Variants in PTPRD observed in about 807,000 individuals in gnomAD.
PTPRD encodes receptor-type tyrosine-protein phosphatase delta.
In PTPRD, 34 loss-of-function variants were observed where a neutral mutation model predicts 214.5. The ratio of observed to expected loss-of-function variants is 0.16; its 90% CI spans 0.12 to 0.21. The LOEUF (loss-of-function observed/expected upper bound fraction) is 0.21, where lower values mean the gene tolerates loss of function less well. Among genes scored for constraint, PTPRD ranks in the 10% least tolerant of loss-of-function variants. The pLI, the probability that PTPRD is intolerant of heterozygous loss-of-function variation, is 1.00. For synonymous variants in PTPRD, 1,128 were observed against 845.7 expected, an observed-to-expected ratio of 1.33 and a Z score of -5.79; for missense variants, 2,545 against 2,398.7, an observed-to-expected ratio of 1.06 and a Z score of -1.27.
At chr9:9,175,206 T>G (rs2099923900) in intron 10 of PTPRD, among the ~76,000 whole-genome samples, 1 of 152,202 alleles carries the variant, frequency 6.6e-6, no homozygotes, top group Non-Finnish European at 1.5e-5. Context: ...AGACAAGATT[T>G]TTCTAAAACG....
intron 10 of PTPRD, among the ~76,000 whole-genome samples, chr9:9,114,537 C>T (rs1162417372): frequency 6.6e-6 from 1 of 152,078 alleles, no homozygotes; most frequent in African/African-American, 2.4e-5. Context: ...ACCACATCAA[C>T]ATGAATATTG....
intron 8 of PTPRD, among the ~76,000 whole-genome samples, chr9:9,549,020 C>T (rs1417253839): frequency 6.6e-6 from 1 of 152,022 alleles, no homozygotes; most frequent in Non-Finnish European, 1.5e-5. Flanking sequence ...ACTTTTAGGA[C>T]ACTATATCAA....
At chr9:9,464,833 G>A (rs1364529312) in intron 8 of PTPRD, among the ~76,000 whole-genome samples, 1 of 152,010 alleles carries the variant, frequency 6.6e-6, no homozygotes, top group South Asian at 2.1e-4. Flanking sequence ...GGTCTTAAAG[G>A]TACAGCAAAA....
intron 9 of PTPRD, among the ~76,000 whole-genome samples, chr9:9,377,803 T>G (rs2061187156): frequency 6.6e-6 from 1 of 152,068 alleles, no homozygotes; most frequent in African/African-American, 2.4e-5. Flanking sequence ...GTACCACAGT[T>G]GAGACACGGC....
intron 4 of PTPRD, among the ~76,000 whole-genome samples, chr9:9,948,576 T>C (rs1380514583): frequency 1.3e-5 from 2 of 152,098 alleles, no homozygotes; most frequent in Non-Finnish European, 2.9e-5. Context: ...TCTTTAGTGA[T>C]TGGCTTATGT....
intron 4 of PTPRD, among the ~76,000 whole-genome samples, chr9:9,946,811 T>A (rs541739054): frequency 1.3e-5 from 2 of 152,222 alleles, no homozygotes; most frequent in African/African-American, 4.8e-5. Flanking sequence ...ATTTTAACGA[T>A]AGAATTAAAG....
At chr9:10,432,562 A>T (rs1052787519) in intron 2 of PTPRD, among the ~76,000 whole-genome samples, 1 of 151,948 alleles carries the variant, frequency 6.6e-6, no homozygotes, top group Non-Finnish European at 1.5e-5. Context: ...CACCTGTCAC[A>T]TTCTTTTCTT....
At chr9:10,547,154 G>C (rs181090790) in intron 2 of PTPRD, among the ~76,000 whole-genome samples, 1 of 152,122 alleles carries the variant, frequency 6.6e-6, no homozygotes, top group East Asian at 1.9e-4. Flanking sequence ...GAAGAATTGG[G>C]GCAGGGTGGG....
At chr9:9,785,656 G>C (rs1597750258) in intron 5 of PTPRD, among the ~76,000 whole-genome samples, 1 of 152,054 alleles carries the variant, frequency 6.6e-6, no homozygotes, top group Admixed American at 6.5e-5. Flanking sequence ...AATGCAATTC[G>C]ACATAGTAAT....
chr9:8,406,274 T>G (rs1303320591), intron 35 of PTPRD, among the ~76,000 whole-genome samples: 1 of 152,176 alleles, frequency 6.6e-6, no homozygotes, highest in Non-Finnish European at 1.5e-5. Flanking sequence ...GTGGAAGCCT[T>G]CAAGTCAACC....
At chr9:8,333,408 A>T (rs549888937) in intron 43 of PTPRD, among the ~76,000 whole-genome samples, 2 of 151,910 alleles carry the variant, frequency 1.3e-5, no homozygotes, top group South Asian at 4.1e-4. Context: ...TTACCTGTTT[A>T]ACAATACTGT....
At chr9:10,468,590 A>G (rs543713951) in intron 2 of PTPRD, among the ~76,000 whole-genome samples, 1 of 152,158 alleles carries the variant, frequency 6.6e-6, no homozygotes, top group African/African-American at 2.4e-5. Context: ...TGGCACATGT[A>G]TACCTATGTA....
intron 3 of PTPRD, among the ~76,000 whole-genome samples, chr9:10,221,338 C>T (rs1438636117): frequency 6.6e-6 from 1 of 151,904 alleles, no homozygotes. Context: ...CCTCTGCATA[C>T]TCGATATCAT....
chr9:8,917,432 C>T (rs73422056), intron 11 of PTPRD, among the ~76,000 whole-genome samples: 5 of 151,966 alleles, frequency 3.3e-5, no homozygotes, highest in Middle Eastern at 3.4e-3. Flanking sequence ...CCACCGCGCC[C>T]GGCCTACATA....
At chr9:9,065,958 AG>A (rs1279422281) in intron 10 of PTPRD, among the ~76,000 whole-genome samples, 9 of 152,294 alleles carry the variant, frequency 5.9e-5, no homozygotes, top group African/African-American at 1.7e-4. Context: ...ATGCATGTAA[AG>A]CATAACACCA....
At chr9:10,163,200 C>T (rs1338081786) in intron 3 of PTPRD, among the ~76,000 whole-genome samples, 4 of 151,256 alleles carry the variant, frequency 2.6e-5, no homozygotes, top group Non-Finnish European at 5.9e-5. Context: ...ATTATATTCT[C>T]TAATTGATCA....
chr9:8,574,322 T>C (rs77212352), intron 14 of PTPRD, among the ~76,000 whole-genome samples: 4,642 of 152,134 alleles, frequency 0.031, 275 homozygotes, highest in African/African-American at 0.11. Flanking sequence ...ATTTAAACTA[T>C]TCATTTTGGA....
chr9:9,072,772 A>G (rs2099745637), intron 10 of PTPRD, among the ~76,000 whole-genome samples: 1 of 152,120 alleles, frequency 6.6e-6, no homozygotes, highest in African/African-American at 2.4e-5. Context: ...TTTAGCCCAC[A>G]CTTTTAAACA....
intron 10 of PTPRD, among the ~76,000 whole-genome samples, chr9:9,031,974 C>T (rs2099607005): frequency 6.6e-6 from 1 of 151,988 alleles, no homozygotes; most frequent in African/African-American, 2.4e-5. Context: ...AGGATAATCA[C>T]ATATTTTTCA....
Sources: gnomAD v4.1 joint callset for allele counts (sites outside exome capture counted in the v4.1 genomes callset) on GRCh38, gnomAD v4.1.1 for gene constraint, MANE v1.5 for transcripts, NCBI Gene and HGNC (gene_info 2026-07-23, HGNC 2026-07-21) for gene names.